The following CEP152 variants were observed in gnomAD, a reference collection of about 807,000 sequenced individuals.
CEP152 encodes the protein centrosomal protein of 152 kDa.
In CEP152, 132 loss-of-function variants were observed where a neutral mutation model predicts 188.9. That is an observed-to-expected ratio of 0.70 (90% CI 0.61 to 0.81). CEP152 has a LOEUF of 0.81. Among genes scored for constraint, CEP152 ranks in the 30% least tolerant of loss-of-function variants. The probability of loss-of-function intolerance (pLI) is 0.00; values close to 1 mark genes in which losing one functional copy is unlikely to be tolerated. For synonymous variants in CEP152, 649 were observed against 666.6 expected (o/e 0.97, Z 0.41); for missense variants, 1,914 against 1,969.8 (o/e 0.97, Z 0.54).
Position 48,741,981 on chromosome 15 carries a change from G to A in CEP152, c.3955C>T (p.Leu1319Phe), listed in dbSNP as rs1893008525. The A allele has an allele frequency of 1.2e-6, 2 of 1,614,130 alleles. No individual in the cohort carries two copies. The highest frequency in any genetic ancestry group is 1.7e-6 in the Non-Finnish European group (2 of 1,180,018). The change falls in exon 25 of 27, where the codon CTC becomes TTC. Residue 1319 changes from leucine (L) to phenylalanine (F), a missense_variant. Physicochemically the swap from Leu to Phe is conservative, Grantham distance 22. Coordinates refer to ENST00000380950, the MANE Select transcript of CEP152 (RefSeq NM_001194998.2). ...CCATCATCCTGCAAAATCTGTTGGA[G>A]GCAAATCAAATAATATTTGCGCATC... The part of the protein sequence containing the change: ...RKMRKYYLIC[L>F]QQILQDDGKE...
intron 19 of CEP152, among the ~76,000 whole-genome samples, chr15:48,757,334 T>C (rs776448427): frequency 5.9e-5 from 9 of 152,322 alleles, no homozygotes; most frequent in Admixed American, 1.3e-4. Context: ...ATAATTACAA[T>C]GCCAATTTGA....
intron 1 of CEP152, among the ~76,000 whole-genome samples, chr15:48,807,460 A>C (rs1011202930): frequency 2.0e-5 from 3 of 152,020 alleles, no homozygotes; most frequent in African/African-American, 4.8e-5. Flanking sequence ...GAGGCTGAGG[A>C]AGGAGAAGGG....
intron 24 of CEP152, 143 bp from the exon 25 acceptor site, chr15:48,742,243 A>G: frequency 1.3e-6 from 1 of 791,410 alleles, no homozygotes; most frequent in South Asian, 1.5e-5. Flanking sequence ...CACAGTCATT[A>G]AAATGGAATA....
rs1347160301 is a variant in CEP152, at chr15:48,797,351, G to C, written c.490C>G (p.Gln164Glu). ...GAAAATTTAATTACATTGGTTGCTTGGTTATTAAATTCCTGCTTCTGACCA... is the reference window on the plus strand; with the variant it reads ...GAAAATTTAATTACATTGGTTGCTTCGTTATTAAATTCCTGCTTCTGACCA... ...TNGQKQEFNN[Q>E]ATNVIKFSDP... The change falls in exon 5 of 27, where the codon CAA becomes GAA. Residue 164 changes from glutamine to glutamate, a missense_variant. Coordinates refer to ENST00000380950, the MANE Select transcript of CEP152 (RefSeq NM_001194998.2). 1 of 1,614,006 alleles carries C rather than the reference G, an allele frequency of 6.2e-7. No homozygotes were observed. Among genetic ancestry groups the C allele is most frequent in the Non-Finnish European group, 8.5e-7 (1 of 1,179,950 alleles).
chr15:48,809,034 A>T (rs1003453659), intron 1 of CEP152, among the ~76,000 whole-genome samples: 1 of 152,234 alleles, frequency 6.6e-6, no homozygotes. Flanking sequence ...CTGACCCAGC[A>T]TTCCTTTTGT....
chr15:48,748,195 G>A lies in CEP152; in HGVS notation c.3634+248C>T, dbSNP rs543260861. Among the ~76,000 whole-genome samples, 9 of 152,178 alleles carry A rather than the reference G, an allele frequency of 5.9e-5. No individual in the cohort carries two copies. The South Asian group carries it at 1.2e-3, about 21-fold the overall frequency. ...CCCAGTGCTTAGAAGCCTGCTTGACGTATACTGGGCCCTCAATATCTGTTT... is the reference window on the plus strand; with the variant it reads ...CCCAGTGCTTAGAAGCCTGCTTGACATATACTGGGCCCTCAATATCTGTTT... On this transcript the variant is annotated intron_variant, in intron 22 of 26. Coordinates refer to ENST00000380950, the MANE Select transcript of CEP152 (RefSeq NM_001194998.2).
chr15:48,792,974 A>G (rs1461531410), intron 7 of CEP152, among the ~76,000 whole-genome samples: 1 of 152,066 alleles, frequency 6.6e-6, no homozygotes, highest in African/African-American at 2.4e-5. Context: ...GGTGCCTGCC[A>G]CTATGCCCCG....
At chr15:48,769,513 T>C (rs1895378555) in intron 13 of CEP152, among the ~76,000 whole-genome samples, 1 of 152,206 alleles carries the variant, frequency 6.6e-6, no homozygotes. Flanking sequence ...TATGCATCTT[T>C]GGCATGCATG....
intron 5 of CEP152, among the ~76,000 whole-genome samples, chr15:48,796,421 G>C (rs1289535296): frequency 5.9e-5 from 9 of 151,690 alleles, no homozygotes; most frequent in Middle Eastern, 3.2e-3. Context: ...TTCTACTTTT[G>C]AGCACACAAT....
At chr15:48,782,111 A>G in intron 11 of CEP152, 28 bp downstream of exon 11, 1 of 1,585,334 alleles carries the variant, frequency 6.3e-7, no homozygotes, top group South Asian at 1.1e-5. Flanking sequence ...AGATACCCAT[A>G]GAGCCTCTTC....
Position 48,738,169 on chromosome 15 carries a change from T to C in CEP152, c.*80A>G. ...TAAAACATCTCAAAAGAGGCAGGGC[T>C]CACAATTTTTTTCAGTATGAGGTCT... On this transcript the variant is annotated 3_prime_UTR_variant, in exon 27 of 27. Transcript: ENST00000380950. 1 of 1,413,694 alleles carries C rather than the reference T, an allele frequency of 7.1e-7. No individual in the cohort carries two copies. Among genetic ancestry groups the C allele is most frequent in the South Asian group, 1.4e-5 (1 of 71,876 alleles). 87.6% of individuals were successfully genotyped at this position (1,413,694 alleles called of 1,614,324 possible). A position where few individuals can be genotyped will look rare whatever the true frequency, so the allele number is the denominator to read the frequency against.
chr15:48,738,498 T>G lies in CEP152; in HGVS notation c.4884A>C (p.Gln1628His). The G allele has an allele frequency of 6.2e-7, 1 of 1,614,250 alleles. No individual in the cohort carries two copies. Among genetic ancestry groups the G allele is most frequent in the African/African-American group, 1.3e-5 (1 of 75,068 alleles). ...TTTGATAACGCTGACATTTCATTGTTTGACAAATCATATTACTTTCCTCTG... is the reference window on the plus strand; with the variant it reads ...TTTGATAACGCTGACATTTCATTGTGTGACAAATCATATTACTTTCCTCTG... ...SDTEESNMIC[Q>H]TMKCQRYQTP... is the part of the protein sequence containing the mutation. Residue 1628 changes from glutamine to histidine, a missense_variant, in exon 27 of 27, where the codon CAA becomes CAC. Coordinates refer to ENST00000380950, the MANE Select transcript of CEP152 (RefSeq NM_001194998.2).
chr15:48,776,021 G>A (rs1310446166), intron 12 of CEP152, among the ~76,000 whole-genome samples: 2 of 151,228 alleles, frequency 1.3e-5, no homozygotes, highest in African/African-American at 2.4e-5. Context: ...TGAATAACTG[G>A]GTATTAAAAA....
chr15:48,756,467 C>T lies in CEP152; in HGVS notation c.2781G>A (p.Leu927=). ...MRKNILPGKE[L]EEKIHSLQKE... ...TCTGAAGAGAATGAATCTTCTCTTC[C>T]AATTCCTTTCCAGGAAGTATATTTT... The change falls in exon 20 of 27, where the codon TTG becomes TTA. Residue 927 remains leucine (L), a synonymous_variant. Coordinates refer to ENST00000380950, the MANE Select transcript of CEP152 (RefSeq NM_001194998.2). 6.2e-7 allele frequency: 1 copy of T among 1,613,340 alleles called. No homozygotes were observed. Among genetic ancestry groups the T allele is most frequent in the South Asian group, 1.1e-5 (1 of 91,048 alleles).
In CEP152 at chr15:48,755,884, C is replaced by G; in HGVS notation, c.3345+19G>C. The G allele has an allele frequency of 6.2e-7, 1 of 1,612,856 alleles. No individual in the cohort carries two copies. Among genetic ancestry groups the G allele is most frequent in the African/African-American group, 1.3e-5 (1 of 75,030 alleles). On this transcript the variant is annotated intron_variant, in intron 20 of 26. Coordinates refer to ENST00000380950, the MANE Select transcript of CEP152 (RefSeq NM_001194998.2). ...TCATTCTTGGTGTTCAATACCTTCT[C>G]TCACTCTCAGGAACATACCTTTTTC...
intron 9 of CEP152, among the ~76,000 whole-genome samples, chr15:48,784,331 T>C (rs1896478039): frequency 6.6e-6 from 1 of 152,222 alleles, no homozygotes; most frequent in African/African-American, 2.4e-5. Context: ...TTTGTAATTA[T>C]GCTAATAAAG....
chr15:48,739,119 C>G lies in CEP152; in HGVS notation c.4263G>C (p.Arg1421Ser), dbSNP rs561540865. 6.2e-7 allele frequency: 1 copy of G among 1,614,188 alleles called. No homozygotes were observed. The highest frequency in any genetic ancestry group is 2.2e-5 in the East Asian group (1 of 44,890). ...PKRRAACNLQ[R>S]LLENSEHQSI... ...TCTGATGCTCTGAGTTCTCTAACAGCCTTTGTAAGTTACAAGCTGCCCTCC... is the reference window on the plus strand; with the variant it reads ...TCTGATGCTCTGAGTTCTCTAACAGGCTTTGTAAGTTACAAGCTGCCCTCC... The change falls in exon 27 of 27, where the codon AGG becomes AGC. Residue 1421 changes from arginine to serine, a missense_variant. Physicochemically the swap from Arg to Ser is moderately radical, Grantham distance 110. Coordinates refer to ENST00000380950, the MANE Select transcript of CEP152 (RefSeq NM_001194998.2).
downstream of CEP152, among the ~76,000 whole-genome samples, chr15:48,735,300 T>C (rs1409075622): frequency 6.6e-6 from 1 of 152,202 alleles, no homozygotes; most frequent in African/African-American, 2.4e-5. Context: ...GAAAATATTT[T>C]GAACTAAATG....
At chr15:48,805,390 T>C in intron 2 of CEP152, 173 bp downstream of exon 2, 1 of 756,936 alleles carries the variant, frequency 1.3e-6, no homozygotes, top group South Asian at 1.9e-5. Flanking sequence ...ACAGAAGCAT[T>C]CCACTTATTC....
Sources: gnomAD v4.1 joint callset for allele counts (sites outside exome capture counted in the v4.1 genomes callset) on GRCh38, gnomAD v4.1.1 for gene constraint, MANE v1.5 for transcripts, NCBI Gene and HGNC (gene_info 2026-07-23, HGNC 2026-07-21) for gene names.